CDK14: variants seen among roughly 807,000 people sequenced by gnomAD.
The protein encoded by CDK14 is cyclin dependent kinase 14, also known as cyclin-dependent kinase 14.
CDK14 carries 34 observed loss-of-function variants against 60.7 expected under a neutral mutation model. That is an observed-to-expected ratio of 0.56 (90% CI 0.43 to 0.75). The LOEUF is 0.75. CDK14 is among the 30% of genes least tolerant of loss of function. The pLI is 0.00. For synonymous variants in CDK14, 197 were observed against 203.7 expected, an observed-to-expected ratio of 0.97 and a Z score of 0.28; for missense variants, 482 against 564.1, an observed-to-expected ratio of 0.85 and a Z score of 1.47.
intron 12 of CDK14, among the ~76,000 whole-genome samples, chr7:91,106,973 C>G (rs1799322120): frequency 6.6e-6 from 1 of 152,182 alleles, no homozygotes; most frequent in Non-Finnish European, 1.5e-5. Context: ...TACCAAGCAG[C>G]TCCATGAGAG....
chr7:91,135,207 G>A (rs1308140775), intron 14 of CDK14, among the ~76,000 whole-genome samples: 2 of 151,978 alleles, frequency 1.3e-5, no homozygotes, highest in Non-Finnish European at 2.9e-5. Flanking sequence ...AGAAAACTGG[G>A]GGACAGAGGG....
At chr7:90,953,611 C>T (rs1450365978) in intron 8 of CDK14, among the ~76,000 whole-genome samples, 2 of 152,112 alleles carry the variant, frequency 1.3e-5, no homozygotes, top group South Asian at 2.1e-4. Context: ...CTGGGAACAT[C>T]ACAGTTTTTT....
Position 90,985,364 on chromosome 7 carries a change from G to A in CDK14, c.1041+1123G>A, listed in dbSNP as rs974344379. On this transcript the variant is annotated intron_variant, in intron 10 of 14. Transcript: ENST00000380050. ...AATAACAGCACCTTCTTCATAGGTG[G>A]CTTTGAAGAATAATTGACTAATATA... Among the ~76,000 whole-genome samples, 5 of 152,076 alleles carry A rather than the reference G, an allele frequency of 3.3e-5. No homozygotes were observed. The East Asian group carries it at 9.6e-4, about 29-fold the overall frequency.
intron 7 of CDK14, among the ~76,000 whole-genome samples, chr7:90,906,699 T>C (rs1420207800): frequency 6.6e-6 from 1 of 152,056 alleles, no homozygotes; most frequent in African/African-American, 2.4e-5. Context: ...GATTGTTCCT[T>C]AGTGAGACTT....
At chr7:91,041,671 G>A (rs1797094211) in intron 10 of CDK14, among the ~76,000 whole-genome samples, 1 of 152,156 alleles carries the variant, frequency 6.6e-6, no homozygotes, top group South Asian at 2.1e-4. Context: ...TTTGAAAAGT[G>A]CCGATGTCAA....
At chr7:91,044,705 T>C (rs866945273) in intron 10 of CDK14, among the ~76,000 whole-genome samples, 30 of 152,316 alleles carry the variant, frequency 2.0e-4, no homozygotes, top group African/African-American at 6.0e-4. Context: ...CTAGTGGTCC[T>C]TCTTCTCCTC....
chr7:90,791,405 C>G (rs1805824863), intron 5 of CDK14, among the ~76,000 whole-genome samples: 1 of 151,996 alleles, frequency 6.6e-6, no homozygotes, highest in Admixed American at 6.6e-5. Context: ...ATTATCTTGA[C>G]ATAAGACTTC....
intron 2 of CDK14, among the ~76,000 whole-genome samples, chr7:90,726,058 T>A (rs375935058): frequency 1.1e-3 from 173 of 152,272 alleles, no homozygotes; most frequent in African/African-American, 4.0e-3. Context: ...GGAGATGAAA[T>A]CAAGATGGGG....
At chr7:91,068,039 C>T (rs1264145661) in intron 11 of CDK14, among the ~76,000 whole-genome samples, 1 of 152,022 alleles carries the variant, frequency 6.6e-6, no homozygotes, top group Non-Finnish European at 1.5e-5. Context: ...TTCTTAATAC[C>T]AAACTTTAGA....
At chr7:90,963,227 C>G (rs2041351) in intron 9 of CDK14, among the ~76,000 whole-genome samples, 75,085 of 150,678 alleles carry the variant, frequency 0.5, 19,192 homozygotes, top group East Asian at 0.7. Context: ...CGTTTGAGAC[C>G]AGCCTGGGCA....
At chr7:90,598,996 G>A (rs1329634049) in intron 1 of CDK14, among the ~76,000 whole-genome samples, 1 of 152,152 alleles carries the variant, frequency 6.6e-6, no homozygotes. Flanking sequence ...GAGCCACCGC[G>A]CCCGGCCTAT....
chr7:91,189,747 G>A lies in CDK14; in HGVS notation c.*29-17418G>A, dbSNP rs200988708. On this transcript the variant is annotated intron_variant, in intron 14 of 14. Coordinates refer to ENST00000380050, the MANE Select transcript of CDK14 (RefSeq NM_001287135.2). ...AAGCATGAATTTTCTTGTATGGCTT[G>A]TGGTATTTTTCTCACTACCTTATCA... Among the ~76,000 whole-genome samples, 60 of 152,262 alleles carry A rather than the reference G, an allele frequency of 3.9e-4. No individual in the cohort carries two copies. In the East Asian group the frequency reaches 9.7e-3, roughly 24 times the overall value.
intron 11 of CDK14, among the ~76,000 whole-genome samples, chr7:91,078,734 C>T (rs1798394382): frequency 6.6e-6 from 1 of 152,016 alleles, no homozygotes; most frequent in African/African-American, 2.4e-5. Flanking sequence ...TATATATGTT[C>T]GTACATAAGG....
chr7:91,034,064 A>G (rs1796841145), intron 10 of CDK14, among the ~76,000 whole-genome samples: 1 of 152,150 alleles, frequency 6.6e-6, no homozygotes, highest in Non-Finnish European at 1.5e-5. Context: ...AGATTTATTT[A>G]TTTGTTATCC....
chr7:90,656,651 T>C (rs1255477323), intron 2 of CDK14, among the ~76,000 whole-genome samples: 1 of 152,202 alleles, frequency 6.6e-6, no homozygotes, highest in Non-Finnish European at 1.5e-5. Context: ...GTGCTAGGAT[T>C]ACAGGCGTGA....
rs74679241 is a variant in CDK14 at position 90,764,300 on chromosome 7, A to G, written c.464+16525A>G. Among the ~76,000 whole-genome samples, 747 of 152,282 alleles carry G rather than the reference A, an allele frequency of 4.9e-3. 3 individuals are homozygous for G. Among genetic ancestry groups the G allele is most frequent in the African/African-American group, 0.016 (675 of 41,552 alleles). ...AAATGACCTACTCAGGTGCCTTACT[A>G]CTCGTAACATAAATGTTAGGCTTAG... is the stretch of plus-strand genomic sequence containing the variant. On this transcript the variant is annotated intron_variant, in intron 4 of 14. Transcript: ENST00000380050.
chr7:90,867,987 C>G (rs556659770), intron 6 of CDK14, among the ~76,000 whole-genome samples: 1 of 151,620 alleles, frequency 6.6e-6, no homozygotes, highest in African/African-American at 2.4e-5. Context: ...AAAAAATTAC[C>G]CAGGCTGGTG....
At chr7:90,657,692 G>C (rs1800779339) in intron 2 of CDK14, among the ~76,000 whole-genome samples, 1 of 152,192 alleles carries the variant, frequency 6.6e-6, no homozygotes, top group Admixed American at 6.5e-5. Context: ...GGACAGCACA[G>C]CTCAAGTGAG....
At chr7:90,831,295 G>A (rs946838864) in intron 5 of CDK14, among the ~76,000 whole-genome samples, 2 of 152,188 alleles carry the variant, frequency 1.3e-5, no homozygotes, top group Admixed American at 6.5e-5. Flanking sequence ...GGGGAAGCAC[G>A]ACACATCTTA....
Sources: allele counts gnomAD v4.1 joint callset (sites outside exome capture counted in the v4.1 genomes callset), GRCh38; gene constraint gnomAD v4.1.1; transcripts MANE v1.5; gene names NCBI Gene and HGNC (gene_info 2026-07-23, HGNC 2026-07-21).